The following SBF2 variants were observed in gnomAD, a reference collection of about 807,000 sequenced individuals.
SBF2 encodes the protein myotubularin-related protein 13.
A neutral mutation model predicts 225.2 loss-of-function variants in SBF2; 112 were observed. The ratio of observed to expected loss-of-function variants is 0.50; its 90% CI spans 0.43 to 0.58. The LOEUF (loss-of-function observed/expected upper bound fraction) is 0.58. SBF2 is among the 20% of genes least tolerant of loss of function. SBF2 has a pLI of 0.00. For synonymous variants in SBF2, 763 were observed against 773.3 expected (o/e 0.99, Z 0.22); for missense variants, 1,996 against 2,206.2 (o/e 0.90, Z 1.91).
At chr11:9,816,315 A>T (rs575421884) in intron 29 of SBF2, among the ~76,000 whole-genome samples, 1 of 152,280 alleles carries the variant, frequency 6.6e-6, no homozygotes, top group East Asian at 1.9e-4. Flanking sequence ...ATCTTAGGAC[A>T]TGTGTCTCTT....
At chr11:10,147,461 C>A (rs1489899558) in intron 2 of SBF2, among the ~76,000 whole-genome samples, 1 of 152,040 alleles carries the variant, frequency 6.6e-6, no homozygotes, top group Non-Finnish European at 1.5e-5. Flanking sequence ...AGCAAACTAA[C>A]AGAAAAACTG....
chr11:10,182,106 G>A (rs1019728497), intron 2 of SBF2, among the ~76,000 whole-genome samples: 8 of 152,134 alleles, frequency 5.3e-5, no homozygotes, highest in African/African-American at 1.2e-4. Context: ...GGTAATATCC[G>A]TAACTGGAAA....
rs575000675 is a variant in SBF2, at chr11:10,230,038, T to G, written c.56-36051A>C. On this transcript the variant is annotated intron_variant, in intron 1 of 39. Coordinates refer to ENST00000256190, the MANE Select transcript of SBF2 (RefSeq NM_030962.4). ...TATATTTAGGATAGTTAGCTCTTCTTGTTGAATTGATCCCTTTACCATTAT... is the reference window on the plus strand; with the variant it reads ...TATATTTAGGATAGTTAGCTCTTCTGGTTGAATTGATCCCTTTACCATTAT... Among the ~76,000 whole-genome samples, 269 of 152,316 alleles carry G rather than the reference T, an allele frequency of 1.8e-3. 1 individual carries two copies. Among genetic ancestry groups the G allele is most frequent in the African/African-American group, 5.9e-3 (247 of 41,576 alleles).
chr11:9,888,651 C>T (rs1860538234), intron 17 of SBF2, among the ~76,000 whole-genome samples: 1 of 151,902 alleles, frequency 6.6e-6, no homozygotes, highest in Admixed American at 6.6e-5. Context: ...TGTGAAAATG[C>T]CTGAAGAAAT....
intron 2 of SBF2, among the ~76,000 whole-genome samples, chr11:10,079,494 G>C (rs927850659): frequency 6.6e-6 from 1 of 152,126 alleles, no homozygotes; most frequent in Admixed American, 6.5e-5. Context: ...ATGGAAGAAA[G>C]AATCTCAGAA....
intron 2 of SBF2, among the ~76,000 whole-genome samples, chr11:10,060,769 C>T (rs1004922103): frequency 2.0e-5 from 3 of 152,172 alleles, no homozygotes; most frequent in African/African-American, 4.8e-5. Context: ...TGGCTCATGC[C>T]TGTAATCCCA....
intron 1 of SBF2, among the ~76,000 whole-genome samples, chr11:10,218,304 A>G (rs1958205683): frequency 7.3e-6 from 1 of 137,094 alleles, no homozygotes; most frequent in Non-Finnish European, 1.6e-5. Context: ...TCACATGAAT[A>G]GCACAGGAAA....
intron 1 of SBF2, among the ~76,000 whole-genome samples, chr11:10,265,892 T>A (rs1182837799): frequency 6.6e-6 from 1 of 151,986 alleles, no homozygotes; most frequent in Non-Finnish European, 1.5e-5. Context: ...CGCATGTGTG[T>A]GTGTGTTTTA....
In SBF2 at chr11:9,899,055, T is replaced by TAA. The variant is rs112470768; in HGVS notation, c.1861-3046_1861-3045dup. On this transcript the variant is annotated intron_variant, in intron 16 of 39. Transcript: ENST00000256190. Reference sequence around the variant, plus strand: ...AGAGGAAGTTTAGTAAAATAAAGATTAAAAAAAAAACAACAACAAAAACAT... The same window carrying TAA: ...AGAGGAAGTTTAGTAAAATAAAGATTAAAAAAAAAAAACAACAACAAAAACAT... Among the ~76,000 whole-genome samples the TAA allele has an allele frequency of 1.5e-4, 22 of 147,670 alleles. 1 individual carries two copies. The highest frequency in any genetic ancestry group is 3.5e-3 in the Middle Eastern group (1 of 282).
chr11:10,115,894 C>T (rs984949982), intron 2 of SBF2, among the ~76,000 whole-genome samples: 11 of 152,144 alleles, frequency 7.2e-5, no homozygotes, highest in South Asian at 2.1e-4. Context: ...GGGCCAGGTG[C>T]GGTGGCTCAT....
chr11:9,848,458 T>C (rs1856706769), intron 22 of SBF2, among the ~76,000 whole-genome samples: 1 of 152,210 alleles, frequency 6.6e-6, no homozygotes, highest in Non-Finnish European at 1.5e-5. Context: ...GCAGAGAATA[T>C]GAGATTTCAC....
chr11:10,089,134 T>C (rs900237802), intron 2 of SBF2, among the ~76,000 whole-genome samples: 1 of 152,218 alleles, frequency 6.6e-6, no homozygotes, highest in Non-Finnish European at 1.5e-5. Context: ...TCTGTACTTT[T>C]AATGCAACAC....
chr11:9,949,168 AGTT>A, intron 16 of SBF2, among the ~76,000 whole-genome samples: 1 of 152,186 alleles, frequency 6.6e-6, no homozygotes, highest in Non-Finnish European at 1.5e-5. Context: ...TTTACTTTTT[AGTT>A]GTTTTTTGCT....
intron 12 of SBF2, among the ~76,000 whole-genome samples, chr11:9,991,736 C>T (rs2134467321): frequency 6.6e-6 from 1 of 152,174 alleles, no homozygotes; most frequent in African/African-American, 2.4e-5. Flanking sequence ...CCTATTTCTC[C>T]CTTTATATGG....
At chr11:9,999,472 C>T (rs1947857474) in intron 8 of SBF2, among the ~76,000 whole-genome samples, 1 of 152,088 alleles carries the variant, frequency 6.6e-6, no homozygotes, top group Non-Finnish European at 1.5e-5. Context: ...AGGCATGCAC[C>T]ACCACACCCA....
chr11:10,054,649 T>C (rs1590848550), intron 2 of SBF2, among the ~76,000 whole-genome samples: 1 of 152,152 alleles, frequency 6.6e-6, no homozygotes, highest in Non-Finnish European at 1.5e-5. Flanking sequence ...GAAAATATTG[T>C]TAAACTATGG....
chr11:10,070,571 A>G (rs550004977), intron 2 of SBF2, among the ~76,000 whole-genome samples: 2 of 152,298 alleles, frequency 1.3e-5, no homozygotes, highest in Admixed American at 6.5e-5. Context: ...GCCTTGTAGT[A>G]TAGTTTGAAG....
chr11:10,270,084 G>C (rs1329207838), intron 1 of SBF2, among the ~76,000 whole-genome samples: 1 of 152,038 alleles, frequency 6.6e-6, no homozygotes, highest in Non-Finnish European at 1.5e-5. Flanking sequence ...CTAACCATGA[G>C]ATTAACTGAT....
chr11:9,880,363 G>C (rs1013907411), intron 17 of SBF2, among the ~76,000 whole-genome samples: 4 of 152,160 alleles, frequency 2.6e-5, no homozygotes, highest in Non-Finnish European at 5.9e-5. Flanking sequence ...CGCTTCTTTT[G>C]AAAAGCCTAA....
Sources: allele counts gnomAD v4.1 joint callset (sites outside exome capture counted in the v4.1 genomes callset), GRCh38; gene constraint gnomAD v4.1.1; transcripts MANE v1.5; gene names NCBI Gene and HGNC (gene_info 2026-07-23, HGNC 2026-07-21).